CACNA2D3: variants seen among roughly 807,000 people sequenced by gnomAD.
CACNA2D3 encodes voltage-dependent calcium channel subunit alpha-2/delta-3.
CACNA2D3 carries 60 observed loss-of-function variants against 160.6 expected under a neutral mutation model. The observed-to-expected ratio is 0.37, with a 90% CI of 0.30 to 0.46. CACNA2D3 has a LOEUF of 0.46. CACNA2D3 is among the 20% of genes least tolerant of loss of function. The probability of loss-of-function intolerance (pLI) is 1.00; values close to 1 mark genes in which losing one functional copy is unlikely to be tolerated. For synonymous variants in CACNA2D3, 558 were observed against 492.9 expected, an observed-to-expected ratio of 1.13 and a Z score of -1.75; for missense variants, 1,205 against 1,365.0, an observed-to-expected ratio of 0.88 and a Z score of 1.85.
chr3:55,063,727 G>C (rs931045543), intron 35 of CACNA2D3, among the ~76,000 whole-genome samples: 7 of 152,072 alleles, frequency 4.6e-5, no homozygotes, highest in Non-Finnish European at 8.8e-5. Flanking sequence ...GCAGACCATC[G>C]GGTAGATGAC....
At chr3:54,611,825 A>T (rs1698754569) in intron 9 of CACNA2D3, among the ~76,000 whole-genome samples, 1 of 152,200 alleles carries the variant, frequency 6.6e-6, no homozygotes, top group Non-Finnish European at 1.5e-5. Flanking sequence ...CTATTCCAGA[A>T]TCGCATATTG....
chr3:54,797,257 GAC>G (rs1702883840), intron 13 of CACNA2D3, among the ~76,000 whole-genome samples: 1 of 152,322 alleles, frequency 6.6e-6, no homozygotes, highest in Admixed American at 6.5e-5. Context: ...GATATACTGA[GAC>G]AGTGTTTCCC....
chr3:54,734,551 A>G (rs887089428), intron 11 of CACNA2D3, among the ~76,000 whole-genome samples: 2 of 152,198 alleles, frequency 1.3e-5, no homozygotes, highest in Non-Finnish European at 1.5e-5. Flanking sequence ...GCATCCCTCT[A>G]ACTTCACTGA....
intron 4 of CACNA2D3, among the ~76,000 whole-genome samples, chr3:54,460,335 G>T (rs1255762030): frequency 6.6e-6 from 1 of 152,158 alleles, no homozygotes; most frequent in Non-Finnish European, 1.5e-5. Flanking sequence ...GCTTGAAGGG[G>T]ATGGCATTGA....
Position 55,025,890 on chromosome 3 carries a change from A to G in CACNA2D3, c.2987+7573A>G, listed in dbSNP as rs375821536. 1.4e-4 allele frequency among the ~76,000 whole-genome samples: 22 copies of G among 152,098 alleles called. No individual in the cohort carries two copies. In the East Asian group the frequency reaches 4.3e-3, roughly 29 times the overall value. ...AGTCATACACTGCAGAAGCAGAACA[A>G]TAAAGCCCCGGGAGTCTGGGTGGGG... On this transcript the variant is annotated intron_variant, in intron 35 of 37. Coordinates refer to ENST00000474759, the MANE Select transcript of CACNA2D3 (RefSeq NM_018398.3).
At chr3:54,191,145 C>T (rs927243022) in intron 2 of CACNA2D3, among the ~76,000 whole-genome samples, 9 of 151,700 alleles carry the variant, frequency 5.9e-5, no homozygotes, top group Admixed American at 3.9e-4. Flanking sequence ...TCGTATGAGG[C>T]CAAAACACAT....
Position 54,286,006 on chromosome 3 carries a change from C to CT in CACNA2D3, c.205-34435dup, listed in dbSNP as rs1703013273. Among the ~76,000 whole-genome samples the CT allele has an allele frequency of 3.3e-5, 5 of 152,192 alleles. No individual in the cohort carries two copies. In the South Asian group the frequency reaches 1.0e-3, roughly 32 times the overall value. On this transcript the variant is annotated intron_variant, in intron 2 of 37. Coordinates refer to ENST00000474759, the MANE Select transcript of CACNA2D3 (RefSeq NM_018398.3). Reference sequence around the variant, plus strand: ...AAACAGAGCAGAAAAACTGGAAACTCTAAAAAGCAGAGTGCCTCTCCTCCT... The same window carrying CT: ...AAACAGAGCAGAAAAACTGGAAACTCTTAAAAAGCAGAGTGCCTCTCCTCCT...
intron 11 of CACNA2D3, among the ~76,000 whole-genome samples, chr3:54,734,382 G>T (rs755663430): frequency 6.6e-6 from 1 of 152,142 alleles, no homozygotes; most frequent in Non-Finnish European, 1.5e-5. Context: ...GAGCATCTTC[G>T]CAGTGAAGTC....
intron 9 of CACNA2D3, among the ~76,000 whole-genome samples, chr3:54,620,774 C>T (rs1698968540): frequency 1.3e-5 from 2 of 152,208 alleles, no homozygotes; most frequent in Admixed American, 1.3e-4. Flanking sequence ...TGCACAGGGA[C>T]TCAGCACTTT....
chr3:54,596,547 G>A (rs1002069135), intron 9 of CACNA2D3, among the ~76,000 whole-genome samples: 14 of 152,016 alleles, frequency 9.2e-5, no homozygotes, highest in South Asian at 2.1e-4. Context: ...TGTCAGAAGC[G>A]TCCCAGCTTG....
At chr3:54,627,908 C>A in intron 10 of CACNA2D3, 32 bp downstream of exon 10, 1 of 1,413,412 alleles carries the variant, frequency 7.1e-7, no homozygotes, top group Non-Finnish European at 9.9e-7. Context: ...CTTTCTCATC[C>A]CTTGGAGAAT....
chr3:54,770,688 A>AT (rs1702304706), intron 13 of CACNA2D3, among the ~76,000 whole-genome samples: 2 of 152,200 alleles, frequency 1.3e-5, no homozygotes. Context: ...ATTCTGGTGC[A>AT]CGAAGCATAT....
At chr3:54,320,704 CA>C (rs1703967265) in intron 3 of CACNA2D3, 146 bp downstream of exon 3, 5 of 528,802 alleles carry the variant, frequency 9.5e-6, no homozygotes, top group African/African-American at 7.8e-5. Flanking sequence ...TCTGGTTAGC[CA>C]GGAAAAGCAG....
intron 5 of CACNA2D3, among the ~76,000 whole-genome samples, chr3:54,522,933 T>TTTATTTATTTATTTATTTACTTAC (rs1252705201): frequency 7.4e-6 from 1 of 135,344 alleles, no homozygotes; most frequent in African/African-American, 2.8e-5. Flanking sequence ...TATTTATTTA[T>TTTATTTATTTATTTATTTACTTAC]TTACTTACTT....
chr3:54,980,162 A>C (rs992297022), intron 29 of CACNA2D3, among the ~76,000 whole-genome samples: 1 of 152,218 alleles, frequency 6.6e-6, no homozygotes, highest in African/African-American at 2.4e-5. Context: ...TGTTAAATCC[A>C]ATTCTTAATA....
intron 4 of CACNA2D3, among the ~76,000 whole-genome samples, chr3:54,472,979 C>T (rs55958791): frequency 0.086 from 13,095 of 152,112 alleles, 778 homozygotes; most frequent in Admixed American, 0.14. Flanking sequence ...ATAGATTCAG[C>T]GCTGTCCCCA....
rs557265531 is a variant in CACNA2D3 at position 55,054,551 on chromosome 3, A to G, written c.2988-18894A>G. On this transcript the variant is annotated intron_variant, in intron 35 of 37. Transcript: ENST00000474759. ...GGAATTCCCCGTTTCATACCTCAGT[A>G]TAGCCACTTTCTAAAGTTTAATTAA... Among the ~76,000 whole-genome samples the G allele has an allele frequency of 2.0e-3, 296 of 150,708 alleles. 1 individual carries two copies. The Middle Eastern group carries it at 0.021, about 11-fold the overall frequency.
chr3:55,018,144 A>G, intron 34 of CACNA2D3, 62 bp from the exon 35 acceptor site: 1 of 1,000,944 alleles, frequency 1.0e-6, no homozygotes, highest in Non-Finnish European at 1.6e-6. Context: ...GTGGGCTGCC[A>G]GTCACAATTT....
intron 29 of CACNA2D3, among the ~76,000 whole-genome samples, chr3:54,971,828 G>T (rs1382737719): frequency 6.6e-6 from 1 of 152,144 alleles, no homozygotes; most frequent in Non-Finnish European, 1.5e-5. Context: ...GTAATAAAAT[G>T]TGTGACCTTG....
Sources: allele counts gnomAD v4.1 joint callset (sites outside exome capture counted in the v4.1 genomes callset), GRCh38; gene constraint gnomAD v4.1.1; transcripts MANE v1.5; gene names NCBI Gene and HGNC (gene_info 2026-07-23, HGNC 2026-07-21).